Variants in INPP5A observed in about 807,000 individuals in gnomAD.
The protein encoded by INPP5A is inositol polyphosphate-5-phosphatase A.
A neutral mutation model predicts 65.2 loss-of-function variants in INPP5A; 14 were observed. The observed-to-expected ratio is 0.21, with a 90% CI of 0.14 to 0.34. INPP5A has a LOEUF of 0.34. Ranked by LOEUF, INPP5A falls within the 10% of genes least tolerant of loss-of-function variation. The pLI is 1.00. For missense variants in INPP5A, 431 were observed against 545.6 expected (o/e 0.79, Z 2.09); for synonymous variants, 207 against 208.3 (o/e 0.99, Z 0.05).
chr10:132,548,856 G>T (rs1405046154), intron 1 of INPP5A, among the ~76,000 whole-genome samples: 1 of 149,278 alleles, frequency 6.7e-6, no homozygotes, highest in Non-Finnish European at 1.5e-5. Flanking sequence ...GAGTGCGGTG[G>T]CGCAGTCACC....
At chr10:132,613,078 C>A (rs1200253643) in intron 2 of INPP5A, among the ~76,000 whole-genome samples, 1 of 152,228 alleles carries the variant, frequency 6.6e-6, no homozygotes, top group Admixed American at 6.5e-5. Context: ...CCCAGAATCC[C>A]CACGTACATG....
chr10:132,751,536 G>A (rs937508435), intron 11 of INPP5A, among the ~76,000 whole-genome samples: 1 of 152,258 alleles, frequency 6.6e-6, no homozygotes, highest in Non-Finnish European at 1.5e-5. Flanking sequence ...CCAGCTACAG[G>A]ACACTCCCGG....
intron 12 of INPP5A, among the ~76,000 whole-genome samples, chr10:132,774,510 A>G (rs1043323191): frequency 1.3e-5 from 2 of 152,206 alleles, no homozygotes; most frequent in Non-Finnish European, 2.9e-5. Context: ...CTTGTGGTTC[A>G]GGGCGGCTGA....
chr10:132,632,582 G>C (rs2072290205), intron 2 of INPP5A, among the ~76,000 whole-genome samples: 1 of 152,288 alleles, frequency 6.6e-6, no homozygotes, highest in African/African-American at 2.4e-5. Flanking sequence ...GTGCTTCCTG[G>C]AAAGCCCACA....
At chr10:132,777,619 C>A in intron 12 of INPP5A, 52 bp from the exon 13 acceptor site, 1 of 1,547,026 alleles carries the variant, frequency 6.5e-7, no homozygotes, top group Non-Finnish European at 8.9e-7. Flanking sequence ...CCCTTTGGGG[C>A]TGAGGACGGC....
At chr10:132,667,758 A>G (rs1487412726) in intron 4 of INPP5A, among the ~76,000 whole-genome samples, 1 of 152,230 alleles carries the variant, frequency 6.6e-6, no homozygotes, top group Non-Finnish European at 1.5e-5. Flanking sequence ...TAAACATTAA[A>G]GGGTCCTCAG....
intron 11 of INPP5A, among the ~76,000 whole-genome samples, chr10:132,764,662 CGTGGTG>C (rs1846801987): frequency 1.0e-5 from 1 of 99,518 alleles, no homozygotes; most frequent in Non-Finnish European, 1.9e-5. Context: ...GGAGGGTGTG[CGTGGTG>C]ACACTCAGAA....
intron 2 of INPP5A, among the ~76,000 whole-genome samples, chr10:132,632,874 C>T (rs557499538): frequency 7.2e-5 from 11 of 152,372 alleles, no homozygotes; most frequent in African/African-American, 2.6e-4. Context: ...CCTTGCCGAG[C>T]ACCTCTCCTA....
At chr10:132,595,557 T>C (rs916432072) in intron 1 of INPP5A, among the ~76,000 whole-genome samples, 2 of 152,214 alleles carry the variant, frequency 1.3e-5, no homozygotes, top group African/African-American at 4.8e-5. Context: ...ACTGCCTTTC[T>C]TACCTACATT....
chr10:132,594,200 G>T (rs1045772486), intron 1 of INPP5A, among the ~76,000 whole-genome samples: 3 of 152,166 alleles, frequency 2.0e-5, no homozygotes. Flanking sequence ...TTTCCTTCTT[G>T]TGCTGTGATC....
rs112647863 is a variant in INPP5A at position 132,677,559 on chromosome 10, T to C, written c.307-12833T>C. ...GAGAAGCCAGGACTGCTGGTCACCT[T>C]GCCGCCCTCAGATGTACCCCCTTTG... On this transcript the variant is annotated intron_variant, in intron 4 of 15. Coordinates refer to ENST00000368594, the MANE Select transcript of INPP5A (RefSeq NM_005539.5). 9.2e-3 allele frequency among the ~76,000 whole-genome samples: 1,403 copies of C among 152,346 alleles called. 20 individuals are homozygous for C. The highest frequency in any genetic ancestry group is 0.032 in the African/African-American group (1,342 of 41,574).
chr10:132,611,585 G>A (rs187591592), intron 2 of INPP5A, among the ~76,000 whole-genome samples: 32 of 89,014 alleles, frequency 3.6e-4, no homozygotes, highest in Middle Eastern at 0.026. Flanking sequence ...GCCCTGTCAG[G>A]GGAGGGTGAG....
At chr10:132,691,240 AT>A (rs1845255160) in intron 5 of INPP5A, among the ~76,000 whole-genome samples, 1 of 152,216 alleles carries the variant, frequency 6.6e-6, no homozygotes, top group African/African-American at 2.4e-5. Flanking sequence ...CGAGAGCAAG[AT>A]TCTGGCCAGC....
In INPP5A at chr10:132,538,534, G is replaced by T. The variant is rs112421634; in HGVS notation, c.75+363G>T. Among the ~76,000 whole-genome samples, 601 of 152,200 alleles carry T rather than the reference G, an allele frequency of 3.9e-3. 3 individuals carry two copies. The highest frequency in any genetic ancestry group is 0.014 in the African/African-American group (580 of 41,540). On this transcript the variant is annotated intron_variant, in intron 1 of 15. Transcript: ENST00000368594. The surrounding 1 kb of genome is among the most constrained non-coding windows in gnomAD (Gnocchi z 4.1). ...GTCAGAACCCCTGTTAACAGTTCCTGGAACCCAAACCCCAGAAACCGGGTC... is the reference window on the plus strand; with the variant it reads ...GTCAGAACCCCTGTTAACAGTTCCTTGAACCCAAACCCCAGAAACCGGGTC...
At chr10:132,638,401 G>A (rs1387878945) in intron 2 of INPP5A, among the ~76,000 whole-genome samples, 2 of 152,032 alleles carry the variant, frequency 1.3e-5, no homozygotes, top group African/African-American at 4.8e-5. Context: ...CTCTTCCCTG[G>A]TGTCTCCCTT....
At chr10:132,778,282 ATTTTTTTTTTTTAATAATAATTTTTT>A (rs1847098076) in intron 13 of INPP5A, among the ~76,000 whole-genome samples, 1 of 61,746 alleles carries the variant, frequency 1.6e-5, no homozygotes, top group Admixed American at 1.5e-4. Context: ...ATTTCCTGTG[ATTTTTTTTTTTTAATAATAATTTTTT>A]TTTTTTTTTT....
At position 132,666,190 on chromosome 10, in the gene INPP5A, C is replaced by G. The variant is rs115741435; in HGVS notation, c.306+15685C>G. Among the ~76,000 whole-genome samples the G allele has an allele frequency of 8.1e-3, 1,235 of 152,230 alleles. 15 individuals are homozygous for G. The highest frequency in any genetic ancestry group is 0.029 in the African/African-American group (1,184 of 41,540). On this transcript the variant is annotated intron_variant, in intron 4 of 15. Coordinates refer to ENST00000368594, the MANE Select transcript of INPP5A (RefSeq NM_005539.5). The stretch of plus-strand genomic sequence containing the variant: ...TCGTGACTGTTATAATGCATCATTA[C>G]TTCCTCACTATGATTCATCTAGGAA...
intron 8 of INPP5A, among the ~76,000 whole-genome samples, chr10:132,719,155 T>G (rs35237054): frequency 1.3e-5 from 1 of 78,862 alleles, no homozygotes; most frequent in African/African-American, 4.8e-5. Flanking sequence ...TCTGTCTGGG[T>G]GCCTTAGACG....
At chr10:132,730,906 C>T (rs1846072962) in intron 9 of INPP5A, among the ~76,000 whole-genome samples, 2 of 152,230 alleles carry the variant, frequency 1.3e-5, no homozygotes, top group African/African-American at 4.8e-5. Flanking sequence ...TCTGATAATT[C>T]AGATCTGATA....
Sources: allele counts gnomAD v4.1 joint callset (sites outside exome capture counted in the v4.1 genomes callset), GRCh38; gene constraint gnomAD v4.1.1; non-coding constraint Gnocchi (gnomAD v3.1); transcripts MANE v1.5; gene names NCBI Gene and HGNC (gene_info 2026-07-23, HGNC 2026-07-21).